CERS6: variants seen among roughly 807,000 people sequenced by gnomAD.
CERS6 encodes LAG1 homolog, ceramide synthase 6.
Under a neutral mutation model 56.8 loss-of-function variants are expected in CERS6, and 26 were observed. The ratio of observed to expected loss-of-function variants is 0.46; its 90% CI spans 0.34 to 0.63. The LOEUF (loss-of-function observed/expected upper bound fraction) is 0.63, where lower values mean the gene tolerates loss of function less well. CERS6 is among the 30% of genes least tolerant of loss of function. The pLI, the probability that CERS6 is intolerant of heterozygous loss-of-function variation, is 0.01. For synonymous variants in CERS6, 164 were observed against 173.3 expected (o/e 0.95, Z 0.42); for missense variants, 415 against 467.5 (o/e 0.89, Z 1.04).
intron 8 of CERS6, among the ~76,000 whole-genome samples, chr2:168,750,426 G>T (rs1684229143): frequency 6.6e-6 from 1 of 152,148 alleles, no homozygotes; most frequent in African/African-American, 2.4e-5. Flanking sequence ...AACCACTGTT[G>T]ATTGTTTGAT....
intron 2 of CERS6, among the ~76,000 whole-genome samples, chr2:168,560,643 T>C (rs1695770808): frequency 1.3e-5 from 2 of 152,142 alleles, no homozygotes; most frequent in African/African-American, 4.8e-5. Flanking sequence ...ACAAAGGATA[T>C]GAGAAGGGGA....
intron 3 of CERS6, among the ~76,000 whole-genome samples, chr2:168,611,340 C>CT (rs1248262237): frequency 1.3e-5 from 2 of 152,184 alleles, no homozygotes; most frequent in Non-Finnish European, 1.5e-5. Flanking sequence ...TCTCAGTACT[C>CT]TGAGAGCCAA....
intron 4 of CERS6, among the ~76,000 whole-genome samples, chr2:168,631,619 A>ATT (rs1684734624): frequency 8.7e-6 from 1 of 115,290 alleles, no homozygotes; most frequent in Non-Finnish European, 1.6e-5. Flanking sequence ...TATATTTAAT[A>ATT]TTTATATAAT....
chr2:168,608,572 T>C (rs1164759456), intron 3 of CERS6, among the ~76,000 whole-genome samples: 1 of 152,246 alleles, frequency 6.6e-6, no homozygotes. Context: ...TTATAGCCAT[T>C]CTAGTGGGGT....
chr2:168,503,547 G>A (rs939160506), intron 1 of CERS6, among the ~76,000 whole-genome samples: 6 of 152,150 alleles, frequency 3.9e-5, no homozygotes, highest in Non-Finnish European at 8.8e-5. Context: ...TGTTTTGGTA[G>A]CCTTAATGAG....
chr2:168,511,785 A>G (rs1694791408), intron 1 of CERS6, among the ~76,000 whole-genome samples: 1 of 152,198 alleles, frequency 6.6e-6, no homozygotes, highest in African/African-American at 2.4e-5. Flanking sequence ...ATTTTAGTGT[A>G]CAGTTTTATA....
intron 1 of CERS6, among the ~76,000 whole-genome samples, chr2:168,458,404 T>C (rs576485515): frequency 7.2e-5 from 11 of 152,358 alleles, no homozygotes; most frequent in Admixed American, 2.0e-4. Context: ...GTTGTTAGAA[T>C]GGAGATGGCT....
chr2:168,617,866 T>C (rs1684355736), intron 3 of CERS6, among the ~76,000 whole-genome samples: 1 of 152,170 alleles, frequency 6.6e-6, no homozygotes, highest in South Asian at 2.1e-4. Flanking sequence ...GAAGGAATTC[T>C]CCCTAAATCA....
chr2:168,735,681 G>A (rs1683692821), intron 8 of CERS6, among the ~76,000 whole-genome samples: 1 of 151,606 alleles, frequency 6.6e-6, no homozygotes, highest in African/African-American at 2.4e-5. Flanking sequence ...TTCAAGACCA[G>A]CCTGGGCAAC....
intron 8 of CERS6, among the ~76,000 whole-genome samples, chr2:168,720,436 A>G (rs1055496749): frequency 2.0e-5 from 3 of 152,202 alleles, no homozygotes; most frequent in African/African-American, 7.2e-5. Context: ...CAACTATCAC[A>G]GTAACCAGAT....
intron 7 of CERS6, 86 bp downstream of exon 7, chr2:168,715,215 A>G: frequency 8.3e-7 from 1 of 1,201,582 alleles, no homozygotes; most frequent in Non-Finnish European, 1.2e-6. Flanking sequence ...GTTATGCTAG[A>G]TGGTGCTTGG....
intron 1 of CERS6, among the ~76,000 whole-genome samples, chr2:168,494,473 G>T (rs754441080): frequency 3.3e-5 from 5 of 152,118 alleles, no homozygotes; most frequent in Non-Finnish European, 5.9e-5. Context: ...AAATAAATTA[G>T]TATTTAAATT....
At chr2:168,736,284 G>A (rs1030641040) in intron 8 of CERS6, among the ~76,000 whole-genome samples, 22 of 152,096 alleles carry the variant, frequency 1.4e-4, no homozygotes, top group African/African-American at 5.3e-4. Context: ...ATTTGAAAAC[G>A]ATAGTTGATA....
chr2:168,598,598 A>G (rs1037714833), intron 3 of CERS6, among the ~76,000 whole-genome samples: 2 of 152,192 alleles, frequency 1.3e-5, no homozygotes, highest in Non-Finnish European at 2.9e-5. Context: ...ATCCAAGAAT[A>G]TAATGCCATC....
At chr2:168,639,049 A>C (rs1559031359) in intron 4 of CERS6, among the ~76,000 whole-genome samples, 1 of 152,218 alleles carries the variant, frequency 6.6e-6, no homozygotes, top group East Asian at 1.9e-4. Flanking sequence ...AATAAAAAAA[A>C]AAGAACGCAT....
intron 1 of CERS6, among the ~76,000 whole-genome samples, chr2:168,464,500 C>A (rs1235272738): frequency 2.6e-5 from 4 of 152,074 alleles, no homozygotes; most frequent in African/African-American, 9.7e-5. Flanking sequence ...GACTCTTCCC[C>A]ACATGCTAAG....
At chr2:168,514,983 G>A (rs1460020395) in intron 1 of CERS6, among the ~76,000 whole-genome samples, 6 of 152,196 alleles carry the variant, frequency 3.9e-5, no homozygotes, top group Admixed American at 2.6e-4. Context: ...ACCATGATGA[G>A]TGGGTTCCAG....
intron 8 of CERS6, among the ~76,000 whole-genome samples, chr2:168,762,508 A>G (rs1030876981): frequency 6.6e-6 from 1 of 152,236 alleles, no homozygotes; most frequent in Admixed American, 6.5e-5. Flanking sequence ...ATTGTTAAAC[A>G]TCAATAATGA....
intron 3 of CERS6, among the ~76,000 whole-genome samples, chr2:168,569,824 G>A (rs1412529688): frequency 6.6e-6 from 1 of 152,158 alleles, no homozygotes; most frequent in Non-Finnish European, 1.5e-5. Flanking sequence ...CACTGGATTC[G>A]TAAAATGGGC....
Sources: allele counts gnomAD v4.1 joint callset (sites outside exome capture counted in the v4.1 genomes callset), GRCh38; gene constraint gnomAD v4.1.1; transcripts MANE v1.5; gene names NCBI Gene and HGNC (gene_info 2026-07-23, HGNC 2026-07-21).